MINDY2: variants seen among roughly 807,000 people sequenced by gnomAD.
MINDY2 encodes MINDY lysine 48 deubiquitinase 2.
A neutral mutation model predicts 68.2 loss-of-function variants in MINDY2; 52 were observed. The observed-to-expected ratio is 0.76, with a 90% CI of 0.61 to 0.96. The LOEUF is 0.96. Ranked by LOEUF, MINDY2 falls within the 40% of genes least tolerant of loss-of-function variation. The probability of loss-of-function intolerance (pLI) is 0.00; values close to 1 mark genes in which losing one functional copy is unlikely to be tolerated. For synonymous variants in MINDY2, 372 were observed against 303.0 expected (o/e 1.23, Z -2.36); for missense variants, 881 against 773.4 (o/e 1.14, Z -1.65).
At chr15:58,801,816 T>G (rs1243145431) in intron 2 of MINDY2, among the ~76,000 whole-genome samples, 2 of 152,068 alleles carry the variant, frequency 1.3e-5, no homozygotes, top group African/African-American at 4.8e-5. Context: ...ATTTTTGTAT[T>G]TTTAGTAGAG....
At chr15:58,854,375 T>C in intron 8 of MINDY2, 107 bp from the exon 9 acceptor site, 1 of 1,296,920 alleles carries the variant, frequency 7.7e-7, no homozygotes, top group Non-Finnish European at 1.0e-6. Flanking sequence ...CTAGCTTCTT[T>C]TTCCATCAGT....
chr15:58,798,742 C>T (rs1330874539), intron 2 of MINDY2, among the ~76,000 whole-genome samples: 2 of 152,204 alleles, frequency 1.3e-5, no homozygotes, highest in Admixed American at 6.5e-5. Context: ...AGACGTCAGC[C>T]ACCACGCCCA....
intron 5 of MINDY2, among the ~76,000 whole-genome samples, chr15:58,827,552 C>T (rs1489422824): frequency 6.6e-6 from 1 of 152,180 alleles, no homozygotes; most frequent in African/African-American, 2.4e-5. Context: ...TAAGCTCCGC[C>T]TTCCGGGTTC....
At chr15:58,819,261 CAACGT>C (rs1648566256) in intron 4 of MINDY2, among the ~76,000 whole-genome samples, 1 of 152,166 alleles carries the variant, frequency 6.6e-6, no homozygotes, top group Non-Finnish European at 1.5e-5. Flanking sequence ...CCAGCCTGGA[CAACGT>C]AATGAGACCT....
chr15:58,822,636 G>A (rs561212011), intron 5 of MINDY2, among the ~76,000 whole-genome samples: 168 of 152,206 alleles, frequency 1.1e-3, no homozygotes, highest in Non-Finnish European at 2.1e-3. Context: ...TAGCTAACTG[G>A]AATTCCTAAA....
In MINDY2 at chr15:58,772,040, TC is replaced by T; in HGVS notation, c.647del (p.Pro216LeufsTer66). 6.2e-7 allele frequency: 1 copy of T among 1,605,994 alleles called. No individual in the cohort carries two copies. Among genetic ancestry groups the T allele is most frequent in the Non-Finnish European group, 8.5e-7 (1 of 1,175,844 alleles). On this transcript the variant is annotated frameshift_variant, in exon 1 of 9. Transcript: ENST00000559228. LOFTEE classifies it high-confidence loss of function. ...GCGCGGCGGTGTTGCCCGGGGCTGTTCCTCTGTGCAAGGAGGAGGAGGGGGA... is the reference window on the plus strand; with the variant it reads ...GCGCGGCGGTGTTGCCCGGGGCTGTTCTCTGTGCAAGGAGGAGGAGGGGGA... ...EGAAVLPGAV[P>X]LCKEEEGEET...
chr15:58,776,293 C>T (rs1041747882), intron 1 of MINDY2, among the ~76,000 whole-genome samples: 6 of 152,176 alleles, frequency 3.9e-5, no homozygotes, highest in Non-Finnish European at 8.8e-5. Context: ...GAAACATCCT[C>T]TCCATCCTGC....
intron 2 of MINDY2, among the ~76,000 whole-genome samples, chr15:58,797,313 G>C (rs2604453): frequency 0.54 from 82,644 of 151,926 alleles, 24,899 homozygotes; most frequent in East Asian, 0.94. Context: ...TCAAGACCAG[G>C]CTGGGCAACA....
chr15:58,835,831 T>G (rs183232659), intron 6 of MINDY2, among the ~76,000 whole-genome samples: 1 of 152,212 alleles, frequency 6.6e-6, no homozygotes, highest in Admixed American at 6.6e-5. Context: ...CCCTGAAACA[T>G]AGCAAGTAAA....
chr15:58,812,209 G>A (rs1359424097), intron 4 of MINDY2, among the ~76,000 whole-genome samples: 3 of 151,352 alleles, frequency 2.0e-5, no homozygotes, highest in South Asian at 2.1e-4. Context: ...AGGCCGAGGC[G>A]GGTGGATCAT....
intron 6 of MINDY2, among the ~76,000 whole-genome samples, chr15:58,837,968 CAAAAAA>C (rs34909401): frequency 9.3e-4 from 70 of 75,130 alleles, no homozygotes; most frequent in African/African-American, 2.2e-3. Context: ...GACCTTCTTT[CAAAAAA>C]AAAAAAAAAA....
chr15:58,778,031 T>G (rs1450010640), intron 1 of MINDY2, among the ~76,000 whole-genome samples: 1 of 152,210 alleles, frequency 6.6e-6, no homozygotes, highest in Non-Finnish European at 1.5e-5. Flanking sequence ...ATTAGGTGTT[T>G]ATGAAGTTAA....
At chr15:58,790,921 T>C (rs1901841609) in intron 2 of MINDY2, among the ~76,000 whole-genome samples, 1 of 152,008 alleles carries the variant, frequency 6.6e-6, no homozygotes, top group Non-Finnish European at 1.5e-5. Flanking sequence ...GGCTCACGCC[T>C]GTAATCTCAG....
At chr15:58,846,920 G>GA (rs544991141) in intron 6 of MINDY2, among the ~76,000 whole-genome samples, 58 of 149,048 alleles carry the variant, frequency 3.9e-4, no homozygotes, top group African/African-American at 5.9e-4. Flanking sequence ...GGCTTAATTG[G>GA]AAAAAAAAAC....
At chr15:58,797,094 T>G (rs1306869761) in intron 2 of MINDY2, among the ~76,000 whole-genome samples, 1 of 152,174 alleles carries the variant, frequency 6.6e-6, no homozygotes, top group Non-Finnish European at 1.5e-5. Context: ...TGAATTGAGA[T>G]GTTCTGTAAA....
At chr15:58,832,708 G>T (rs971814046) in intron 6 of MINDY2, among the ~76,000 whole-genome samples, 1 of 150,214 alleles carries the variant, frequency 6.7e-6, no homozygotes, top group Non-Finnish European at 1.5e-5. Flanking sequence ...TGTGTTTTTA[G>T]TAGAGACAGG....
At chr15:58,787,763 A>G (rs541198227) in intron 1 of MINDY2, 143 bp from the exon 2 acceptor site, 35 of 430,138 alleles carry the variant, frequency 8.1e-5, no homozygotes, top group Admixed American at 6.7e-4. Context: ...AAGCCTGGCT[A>G]TAAAGATTCT....
chr15:58,772,341 C>G, intron 1 of MINDY2, 106 bp downstream of exon 1: 1 of 1,472,376 alleles, frequency 6.8e-7, no homozygotes, highest in South Asian at 1.3e-5. Flanking sequence ...CCTCATTCAT[C>G]AGTCCCCTTC....
intron 1 of MINDY2, among the ~76,000 whole-genome samples, chr15:58,776,865 A>G (rs1900804463): frequency 6.6e-6 from 1 of 152,160 alleles, no homozygotes; most frequent in Non-Finnish European, 1.5e-5. Flanking sequence ...TCTGTAAAAA[A>G]AAATTATAAT....
Sources: allele counts gnomAD v4.1 joint callset (sites outside exome capture counted in the v4.1 genomes callset), GRCh38; gene constraint gnomAD v4.1.1; transcripts MANE v1.5; gene names NCBI Gene and HGNC (gene_info 2026-07-23, HGNC 2026-07-21).